The following FKBP7 variants were observed in gnomAD, a reference collection of about 807,000 sequenced individuals.
The protein encoded by FKBP7 is peptidyl-prolyl cis-trans isomerase FKBP7.
Under a neutral mutation model 24.3 loss-of-function variants are expected in FKBP7, and 24 were observed. The ratio of observed to expected loss-of-function variants is 0.99; its 90% CI spans 0.72 to 1.39. The LOEUF (loss-of-function observed/expected upper bound fraction) is 1.39, where lower values mean the gene tolerates loss of function less well. Ranked by LOEUF, FKBP7 falls within the 40% of genes most tolerant of loss-of-function variation. The pLI is 0.00. For synonymous variants in FKBP7, 98 were observed against 92.8 expected, an observed-to-expected ratio of 1.06 and a Z score of -0.32; for missense variants, 257 against 269.5, an observed-to-expected ratio of 0.95 and a Z score of 0.33.
chr2:178,472,851 C>CAAAAA (rs71674220), intron 2 of FKBP7, among the ~76,000 whole-genome samples: 1 of 62,498 alleles, frequency 1.6e-5, no homozygotes, highest in Non-Finnish European at 2.6e-5. Context: ...GACTCCATCT[C>CAAAAA]AAAAAAAAAA....
In FKBP7 at chr2:178,465,830, A is replaced by G. The variant is rs1559375329; in HGVS notation, c.609T>C (p.His203=). The change falls in exon 4 of 4, where the codon CAT becomes CAC. Residue 203 remains histidine (H), a synonymous_variant. Transcript: ENST00000424785. ...TGGGAGAAATGAAGCCATCACCATC[A>G]TGGTCATTCTTCTTAAAAATATCTT... ...VLEDIFKKND[H]DGDGFISPKE... 1 of 1,612,358 alleles carries G rather than the reference A, an allele frequency of 6.2e-7. No individual in the cohort carries two copies. Among genetic ancestry groups the G allele is most frequent in the Non-Finnish European group, 8.5e-7 (1 of 1,179,248 alleles).
chr2:178,478,404 G>T lies in FKBP7; in HGVS notation c.96C>A (p.Thr32=). The change falls in exon 1 of 4, where the codon ACC becomes ACA. Residue 32 remains threonine, a synonymous_variant. Transcript: ENST00000424785. ...GCAAAACTTCTATTTTCACTTCTTC[G>T]GTGCTCTCCTCTTTCTTTTGTCTCT... ...TAQRQKKEES[T]EEVKIEVLHR... is the part of the protein sequence containing the mutation. The T allele has an allele frequency of 6.2e-7, 1 of 1,614,066 alleles. No homozygotes were observed. Among genetic ancestry groups the T allele is most frequent in the Non-Finnish European group, 8.5e-7 (1 of 1,180,012 alleles).
intron 3 of FKBP7, among the ~76,000 whole-genome samples, chr2:178,468,985 C>T (rs1684767939): frequency 6.6e-6 from 1 of 151,716 alleles, no homozygotes; most frequent in East Asian, 1.9e-4. Context: ...TCCTACCTCT[C>T]AGCCTCCTGA....
intron 2 of FKBP7, among the ~76,000 whole-genome samples, chr2:178,472,846 C>A (rs1297093760): frequency 3.9e-5 from 2 of 51,562 alleles, no homozygotes; most frequent in South Asian, 1.3e-3. Context: ...AGCAAGACTC[C>A]ATCTCAAAAA....
At chr2:178,477,698 TA>T (rs1209368852) in intron 1 of FKBP7, among the ~76,000 whole-genome samples, 1 of 152,178 alleles carries the variant, frequency 6.6e-6, no homozygotes, top group Non-Finnish European at 1.5e-5. Flanking sequence ...TATTTTATTC[TA>T]AATGGATGGA....
At chr2:178,468,229 G>C (rs1684735768) in intron 3 of FKBP7, among the ~76,000 whole-genome samples, 1 of 152,224 alleles carries the variant, frequency 6.6e-6, no homozygotes, top group African/African-American at 2.4e-5. Flanking sequence ...AGGGGAGACA[G>C]CTGGTTTACT....
chr2:178,478,208 G>C, intron 1 of FKBP7, 71 bp downstream of exon 1: 1 of 1,564,292 alleles, frequency 6.4e-7, no homozygotes, highest in Non-Finnish European at 8.7e-7. Flanking sequence ...CAACCAATGA[G>C]GCTTCCGCTT....
chr2:178,464,176 T>G lies in FKBP7; in HGVS notation c.*1594A>C, dbSNP rs1319385647. ...GCCCTCTATTTTTAAATAGAATTTT[T>G]GATAGTGTAAAGAAGTTAAAGGATG... On this transcript the variant is annotated 3_prime_UTR_variant, in exon 4 of 4. Transcript: ENST00000424785. 6.6e-6 allele frequency: 1 copy of G among 152,228 alleles called. No homozygotes were observed. Among genetic ancestry groups the G allele is most frequent in the Non-Finnish European group, 1.5e-5 (1 of 68,038 alleles). 9.4% of individuals were successfully genotyped at this position (152,228 alleles called of 1,614,324 possible).
chr2:178,476,718 T>G (rs1247023914), intron 2 of FKBP7, among the ~76,000 whole-genome samples: 1 of 149,672 alleles, frequency 6.7e-6, no homozygotes, highest in Non-Finnish European at 1.5e-5. Flanking sequence ...CATTTCATTT[T>G]TTTTTTTTTT....
chr2:178,469,523 T>C, intron 3 of FKBP7, 129 bp downstream of exon 3: 1 of 941,562 alleles, frequency 1.1e-6, no homozygotes, highest in Non-Finnish European at 1.6e-6. Flanking sequence ...TATTTTTTAG[T>C]GACCAGCTCT....
At position 178,464,394 on chromosome 2, in the gene FKBP7, C is replaced by T. The variant is rs1684598475; in HGVS notation, c.*1376G>A. On this transcript the variant is annotated 3_prime_UTR_variant, in exon 4 of 4. Coordinates refer to ENST00000424785, the MANE Select transcript of FKBP7 (RefSeq NM_181342.3). ...TTGTAAAGGAAAGAGGTTAAATTGA[C>T]TCATGGTTCCCCATGGCTGGGGAGG... 2.0e-5 allele frequency: 3 copies of T among 152,212 alleles called. No homozygotes were observed. The highest frequency in any genetic ancestry group is 2.0e-4 in the Admixed American group (3 of 15,274). The allele number at this position is 152,212 out of a possible 1,614,324, so 9.4% of individuals were successfully genotyped here. A position where few individuals can be genotyped will look rare whatever the true frequency, so the allele number is the denominator to read the frequency against.
intron 2 of FKBP7, among the ~76,000 whole-genome samples, 173 bp from the exon 3 acceptor site, chr2:178,469,958 T>G (rs926197041): frequency 1.3e-5 from 2 of 152,074 alleles, no homozygotes; most frequent in Admixed American, 6.5e-5. Context: ...TTTTCAATAG[T>G]TTTCTTTTTT....
intron 2 of FKBP7, among the ~76,000 whole-genome samples, chr2:178,473,930 C>T (rs1684926774): frequency 6.6e-6 from 1 of 152,034 alleles, no homozygotes. Context: ...AAATTATTGG[C>T]AAAAAGCATT....
At chr2:178,473,094 G>A (rs1684899602) in intron 2 of FKBP7, 1 of 1,305,192 alleles carries the variant, frequency 7.7e-7, no homozygotes, top group Non-Finnish European at 1.0e-6. Flanking sequence ...GTTGTTCTGT[G>A]ACATGAGACA....
intron 2 of FKBP7, among the ~76,000 whole-genome samples, chr2:178,476,714 A>ATTTTTTTTTT (rs35360731): frequency 3.3e-5 from 4 of 122,528 alleles, no homozygotes; most frequent in Non-Finnish European, 1.7e-5. Flanking sequence ...ATTCCATTTC[A>ATTTTTTTTTT]TTTTTTTTTT....
rs1202729519 is a variant in FKBP7, at chr2:178,477,149, G to T, written c.286C>A (p.Leu96Ile). Residue 96 changes from leucine (L) to isoleucine (I), a missense_variant, in exon 2 of 4, where the codon CTA (leucine) becomes ATA (isoleucine). Leu to Ile is a conservative substitution (Grantham distance 5). Transcript: ENST00000424785. ...VLGVGQVIKGLDIAMTDMCPG... is the reference protein window; with the variant it reads ...VLGVGQVIKGIDIAMTDMCPG... ...CACATATCTGTCATAGCAATGTCTA[G>T]GCCTTTTATGACTTGCCCAACACCA... 4 of 1,612,746 alleles carry T rather than the reference G, an allele frequency of 2.5e-6. No homozygotes were observed. The highest frequency in any genetic ancestry group is 3.3e-5 in the Admixed American group (2 of 59,820).
In FKBP7 at chr2:178,470,108, G is replaced by A. The variant is rs529336364; in HGVS notation, c.374-323C>T. ...TAAAAATCATAAACTTTTTATTAAT[G>A]CATGGATATGACCCTCTATATCTGT... On this transcript the variant is annotated intron_variant, in intron 2 of 3. Transcript: ENST00000424785. 1.4e-3 allele frequency among the ~76,000 whole-genome samples: 218 copies of A among 151,798 alleles called. 4 individuals carry two copies. In the South Asian group the frequency reaches 0.022, roughly 15 times the overall value.
In FKBP7 at chr2:178,465,675, G is replaced by A; in HGVS notation, c.*95C>T. On this transcript the variant is annotated 3_prime_UTR_variant, in exon 4 of 4. Coordinates refer to ENST00000424785, the MANE Select transcript of FKBP7 (RefSeq NM_181342.3). ...GGAGATCAAAATATCTTCTCATAGG[G>A]GAAAAATAGCAAATACAACTTGGAG... The A allele has an allele frequency of 1.7e-6, 2 of 1,192,564 alleles. No individual in the cohort carries two copies. Among genetic ancestry groups the A allele is most frequent in the Non-Finnish European group, 2.2e-6 (2 of 892,254 alleles). The allele number at this position is 1,192,564 out of a possible 1,614,324, so 73.9% of individuals were successfully genotyped here.
intron 2 of FKBP7, among the ~76,000 whole-genome samples, chr2:178,473,400 A>C (rs1473757406): frequency 6.6e-6 from 1 of 152,126 alleles, no homozygotes; most frequent in Non-Finnish European, 1.5e-5. Flanking sequence ...TACTAGTGAG[A>C]TTAATCACTT....
Sources: gnomAD v4.1 joint callset for allele counts (sites outside exome capture counted in the v4.1 genomes callset) on GRCh38, gnomAD v4.1.1 for gene constraint, MANE v1.5 for transcripts, NCBI Gene and HGNC (gene_info 2026-07-23, HGNC 2026-07-21) for gene names.